NFU1: variants seen among roughly 807,000 people sequenced by gnomAD.
NFU1 encodes NFU1 iron-sulfur cluster scaffold.
In NFU1, 30 loss-of-function variants were observed where a neutral mutation model predicts 32.2. The observed-to-expected ratio is 0.93, with a 90% CI of 0.70 to 1.26. The LOEUF is 1.26. Ranked by LOEUF, NFU1 falls within the 50% of genes most tolerant of loss-of-function variation. NFU1 has a pLI of 0.00. For synonymous variants in NFU1, 112 were observed against 104.6 expected, an observed-to-expected ratio of 1.07 and a Z score of -0.43; for missense variants, 306 against 306.6, an observed-to-expected ratio of 1.00 and a Z score of 0.02.
intron 7 of NFU1, chr2:69,399,438 A>G: frequency 8.9e-6 from 4 of 448,886 alleles, no homozygotes; most frequent in Non-Finnish European, 1.8e-5. Context: ...GTAAAGCTCT[A>G]GAATTCTACT....
chr2:69,437,284 G>A (rs181474322), intron 1 of NFU1, 77 bp downstream of exon 1: 2 of 1,543,108 alleles, frequency 1.3e-6, no homozygotes, highest in East Asian at 2.4e-5. Context: ...CCTCGAGAGA[G>A]GGTCTGCAAG....
intron 7 of NFU1, among the ~76,000 whole-genome samples, chr2:69,398,899 G>A (rs1672422296): frequency 6.6e-6 from 1 of 152,110 alleles, no homozygotes. Flanking sequence ...ATTCCCAATG[G>A]AGCCCTTAAG....
intron 7 of NFU1, among the ~76,000 whole-genome samples, chr2:69,396,867 TCAAGA>T (rs1672355174): frequency 6.6e-6 from 1 of 151,672 alleles, no homozygotes; most frequent in Non-Finnish European, 1.5e-5. Context: ...GGGCAGAAGA[TCAAGA>T]CCATCCTGGC....
In NFU1 at chr2:69,437,247, G is replaced by A. The variant is rs1673874951; in HGVS notation, c.62+114C>T. On this transcript the variant is annotated intron_variant, in intron 1 of 7. Transcript: ENST00000410022. ...ACTACGGCGACAGGGCGGACCCGCCGGCTCCATCAGATGCACTACCCACCC... is the reference window on the plus strand; with the variant it reads ...ACTACGGCGACAGGGCGGACCCGCCAGCTCCATCAGATGCACTACCCACCC... The A allele has an allele frequency of 6.0e-6, 9 of 1,500,612 alleles. No individual in the cohort carries two copies. In the South Asian group the frequency reaches 6.4e-5, roughly 11 times the overall value. The allele number at this position is 1,500,612 out of a possible 1,614,324, so 93.0% of individuals were successfully genotyped here.
chr2:69,405,804 T>C (rs6759395), intron 6 of NFU1, among the ~76,000 whole-genome samples: 1,887 of 152,326 alleles, frequency 0.012, 44 homozygotes, highest in African/African-American at 0.043. Flanking sequence ...CATTTCTTCA[T>C]TGAATATGTT....
Position 69,397,503 on chromosome 2 carries a change from ACCCTAC to A in NFU1, c.721-1219_721-1214del, listed in dbSNP as rs1672377742. Reference sequence around the variant, plus strand: ...TTTCTAATCTGAAGGCCAATTCATCACCCTACCCTGGACAATTGAATAAAAATGTTC... The same window carrying A: ...TTTCTAATCTGAAGGCCAATTCATCACCTGGACAATTGAATAAAAATGTTC... On this transcript the variant is annotated intron_variant, in intron 7 of 7. Transcript: ENST00000410022. Among the ~76,000 whole-genome samples the A allele has an allele frequency of 2.6e-5, 4 of 152,240 alleles. No individual in the cohort carries two copies. The South Asian group carries it at 8.3e-4, about 32-fold the overall frequency.
chr2:69,417,109 A>T (rs1163775115), intron 4 of NFU1, among the ~76,000 whole-genome samples: 52 of 152,184 alleles, frequency 3.4e-4, no homozygotes, highest in Admixed American at 3.4e-3. Flanking sequence ...AATATTGGTA[A>T]TAAAAAGAAA....
intron 2 of NFU1, 115 bp from the exon 3 acceptor site, chr2:69,423,832 C>T (rs1673350238): frequency 1.3e-6 from 1 of 791,680 alleles, no homozygotes; most frequent in South Asian, 1.6e-5. Context: ...GGGGAAAAAC[C>T]CAAGGCTTTA....
chr2:69,395,823 A>G (rs1672316234), downstream of NFU1: 1 of 157,624 alleles, frequency 6.3e-6, no homozygotes, highest in African/African-American at 2.4e-5. Context: ...TACCATTTTT[A>G]AAACAGACTT....
At chr2:69,397,460 AT>A (rs770852199) in intron 7 of NFU1, among the ~76,000 whole-genome samples, 12 of 152,296 alleles carry the variant, frequency 7.9e-5, no homozygotes, top group Non-Finnish European at 1.6e-4. Flanking sequence ...ACCTACTACA[AT>A]TAGATGCCAA....
At chr2:69,431,705 A>T (rs542356091) in intron 2 of NFU1, among the ~76,000 whole-genome samples, 197 bp downstream of exon 2, 154 of 152,308 alleles carry the variant, frequency 1.0e-3, no homozygotes, top group South Asian at 3.7e-3. Flanking sequence ...GATTTCATAG[A>T]TCTATTGGAC....
intron 6 of NFU1, among the ~76,000 whole-genome samples, chr2:69,404,972 G>A (rs1458237652): frequency 5.3e-5 from 8 of 151,820 alleles, no homozygotes; most frequent in Admixed American, 1.3e-4. Context: ...TACTTGGCTG[G>A]GCGCAGTGGC....
Position 69,414,223 on chromosome 2 carries a change from C to T in NFU1, c.484+962G>A, listed in dbSNP as rs188212316. ...TATATCTTATTCCTATAATGAAATG[C>T]TATCCAGCACATAAAATGAGTAAAC... On this transcript the variant is annotated intron_variant, in intron 5 of 7. Transcript: ENST00000410022. Among the ~76,000 whole-genome samples the T allele has an allele frequency of 3.5e-3, 532 of 152,220 alleles. 3 individuals are homozygous for T. The highest frequency in any genetic ancestry group is 0.012 in the African/African-American group (514 of 41,548).
intron 6 of NFU1, 34 bp downstream of exon 6, chr2:69,405,988 G>A (rs760599922): frequency 2.2e-6 from 3 of 1,379,728 alleles, no homozygotes; most frequent in Non-Finnish European, 2.1e-6. Flanking sequence ...TGCCTCCAAA[G>A]CACTTGAATT....
chr2:69,422,057 A>T (rs1673264128), intron 3 of NFU1, among the ~76,000 whole-genome samples: 1 of 152,182 alleles, frequency 6.6e-6, no homozygotes, highest in Non-Finnish European at 1.5e-5. Flanking sequence ...ACTGATAATA[A>T]AATAGAACAA....
chr2:69,401,397 A>G (rs1672518547), intron 6 of NFU1, among the ~76,000 whole-genome samples: 1 of 152,198 alleles, frequency 6.6e-6, no homozygotes, highest in South Asian at 2.1e-4. Flanking sequence ...CTGGCTTCCT[A>G]TGCTCTTTGT....
chr2:69,433,940 GTTTT>G (rs57285184), intron 1 of NFU1, among the ~76,000 whole-genome samples: 1 of 139,920 alleles, frequency 7.1e-6, no homozygotes, highest in African/African-American at 2.6e-5. Context: ...TGCCCAGCTA[GTTTT>G]TTTTTTTTTT....
chr2:69,398,896 A>G lies in NFU1; in HGVS notation c.720+1468T>C, dbSNP rs59198366. Among the ~76,000 whole-genome samples the G allele has an allele frequency of 0.015, 2,236 of 152,226 alleles. 129 individuals carry two copies. The East Asian group carries it at 0.18, about 13-fold the overall frequency. On this transcript the variant is annotated intron_variant, in intron 7 of 7. Transcript: ENST00000410022. Reference sequence around the variant, plus strand: ...ACTACCCAAGGATGAGTGATTCCCAATGGAGCCCTTAAGGGCACAGAATTA... The same window carrying G: ...ACTACCCAAGGATGAGTGATTCCCAGTGGAGCCCTTAAGGGCACAGAATTA...
chr2:69,409,321 T>C (rs1672804633), intron 5 of NFU1, among the ~76,000 whole-genome samples: 1 of 152,232 alleles, frequency 6.6e-6, no homozygotes, highest in African/African-American at 2.4e-5. Context: ...ATTTTCTTTT[T>C]TATGTTTCTA....
Sources: allele counts gnomAD v4.1 joint callset (sites outside exome capture counted in the v4.1 genomes callset), GRCh38; gene constraint gnomAD v4.1.1; transcripts MANE v1.5; gene names NCBI Gene and HGNC (gene_info 2026-07-23, HGNC 2026-07-21).